The following MAP2 variants were observed in gnomAD, a reference collection of about 807,000 sequenced individuals.
MAP2 encodes the protein microtubule-associated protein 2.
In MAP2, 14 loss-of-function variants were observed where a neutral mutation model predicts 137.6. That is an observed-to-expected ratio of 0.10 (90% confidence interval 0.07 to 0.16). MAP2 has a LOEUF of 0.16. Ranked by LOEUF, MAP2 falls within the 10% of genes least tolerant of loss-of-function variation. The probability of loss-of-function intolerance (pLI) is 1.00; values close to 1 mark genes in which losing one functional copy is unlikely to be tolerated. For missense variants in MAP2, 2,088 were observed against 2,191.5 expected (o/e 0.95, Z 0.94); for synonymous variants, 786 against 782.3 (o/e 1.00, Z -0.08).
chr2:209,553,205 G>T (rs1212667942), intron 2 of MAP2, among the ~76,000 whole-genome samples: 1 of 152,010 alleles, frequency 6.6e-6, no homozygotes, highest in African/African-American at 2.4e-5. Context: ...TAGAGATGGG[G>T]TTTCACCCTG....
chr2:209,453,862 A>G (rs2149508071), intron 1 of MAP2, among the ~76,000 whole-genome samples: 1 of 152,186 alleles, frequency 6.6e-6, no homozygotes, highest in East Asian at 1.9e-4. Context: ...TAAAAAAAAT[A>G]GAGGACAGGC....
At chr2:209,616,931 C>T (rs1383329526) in intron 3 of MAP2, among the ~76,000 whole-genome samples, 9 of 152,134 alleles carry the variant, frequency 5.9e-5, no homozygotes, top group African/African-American at 2.2e-4. Context: ...TAATTATAGA[C>T]TAGGCGGGGG....
chr2:209,478,451 A>T (rs924316556), intron 1 of MAP2, among the ~76,000 whole-genome samples: 3 of 152,238 alleles, frequency 2.0e-5, no homozygotes, highest in African/African-American at 7.2e-5. Context: ...ATTGAAGACA[A>T]ATGTTTACTA....
intron 12 of MAP2, among the ~76,000 whole-genome samples, chr2:209,707,532 G>A (rs1009174236): frequency 6.6e-6 from 1 of 152,078 alleles, no homozygotes; most frequent in Non-Finnish European, 1.5e-5. Context: ...AAGCTCATCC[G>A]CCCAAGAGGA....
intron 3 of MAP2, among the ~76,000 whole-genome samples, chr2:209,617,220 G>C (rs2089775673): frequency 6.6e-6 from 1 of 152,100 alleles, no homozygotes; most frequent in East Asian, 1.9e-4. Flanking sequence ...TAGACAAAAG[G>C]ACAGGAGAAG....
chr2:209,435,161 C>G (rs566103588), intron 1 of MAP2, among the ~76,000 whole-genome samples: 7 of 150,932 alleles, frequency 4.6e-5, no homozygotes, highest in Non-Finnish European at 1.0e-4. Flanking sequence ...CCTGCTTGTG[C>G]TATAGAATAT....
chr2:209,456,010 A>T (rs1358701506), intron 1 of MAP2, among the ~76,000 whole-genome samples: 1 of 152,178 alleles, frequency 6.6e-6, no homozygotes, highest in Non-Finnish European at 1.5e-5. Flanking sequence ...TTTTACTGAC[A>T]ACTCCTTAGG....
intron 2 of MAP2, among the ~76,000 whole-genome samples, chr2:209,575,390 G>A (rs189150531): frequency 1.9e-3 from 293 of 151,648 alleles, no homozygotes; most frequent in African/African-American, 6.2e-3. Context: ...GCGTGATGGC[G>A]GGTGCCTGTA....
intron 5 of MAP2, among the ~76,000 whole-genome samples, chr2:209,676,455 G>C (rs1017009666): frequency 2.0e-5 from 3 of 151,566 alleles, no homozygotes; most frequent in Non-Finnish European, 4.4e-5. Flanking sequence ...TAATACCTGG[G>C]TGATAAAATA....
At chr2:209,675,264 C>G (rs1199887119) in intron 5 of MAP2, among the ~76,000 whole-genome samples, 4 of 151,890 alleles carry the variant, frequency 2.6e-5, no homozygotes, top group South Asian at 4.1e-4. Context: ...TTTGGTTAAA[C>G]ATATACAAAA....
intron 1 of MAP2, among the ~76,000 whole-genome samples, chr2:209,478,644 A>G (rs565827485): frequency 1.3e-5 from 2 of 152,336 alleles, no homozygotes; most frequent in East Asian, 3.9e-4. Flanking sequence ...GCAGGCATAC[A>G]TAAATAATTT....
intron 4 of MAP2, among the ~76,000 whole-genome samples, chr2:209,645,387 A>T (rs2094351010): frequency 6.6e-6 from 1 of 152,198 alleles, no homozygotes; most frequent in South Asian, 2.1e-4. Context: ...TTATTCACTT[A>T]TTAGCCACAT....
intron 5 of MAP2, among the ~76,000 whole-genome samples, chr2:209,660,559 A>ATT (rs535880574): frequency 7.0e-6 from 1 of 143,276 alleles, no homozygotes; most frequent in African/African-American, 2.6e-5. Flanking sequence ...AGCCCGGCTA[A>ATT]TTTTTTTTGT....
intron 13 of MAP2, chr2:209,721,794 A>G (rs1041831641): frequency 5.3e-5 from 8 of 152,334 alleles, no homozygotes; most frequent in African/African-American, 1.9e-4. Flanking sequence ...TTTTAAACAT[A>G]GTATGAAATC....
chr2:209,695,863 G>A lies in MAP2; in HGVS notation c.3693G>A (p.Glu1231=). The change falls in exon 8 of 16, where the codon GAG becomes GAA. Residue 1231 remains glutamate, a synonymous_variant. Coordinates refer to ENST00000682079, the MANE Select transcript of MAP2 (RefSeq NM_001375505.1). The part of the protein sequence containing the change: ...LHETIVSEPA[E]IQSEEEEIEA... ...AAACGATCGTATCTGAACCAGCAGA[G>A]ATTCAGAGTGAGGAAGAAGAGATAG... 3 of 1,614,118 alleles carry A rather than the reference G, an allele frequency of 1.9e-6. No individual in the cohort carries two copies. Among genetic ancestry groups the A allele is most frequent in the Non-Finnish European group, 2.5e-6 (3 of 1,180,016 alleles).
chr2:209,673,933 C>G (rs2050058491), intron 5 of MAP2, among the ~76,000 whole-genome samples: 1 of 151,962 alleles, frequency 6.6e-6, no homozygotes, highest in East Asian at 1.9e-4. Flanking sequence ...CAGAATTAGA[C>G]AGGATTATCA....
In MAP2 at chr2:209,696,336, G is replaced by T. The variant is rs1027144711; in HGVS notation, c.4166G>T (p.Trp1389Leu). ...DDSIMDADSLWVDTQDDDRSI... is the reference protein window; with the variant it reads ...DDSIMDADSLLVDTQDDDRSI... ...TCCATCATGGACGCTGACAGCCTCTGGGTGGACACTCAAGGTGTGCATTAT... is the reference window on the plus strand; with the variant it reads ...TCCATCATGGACGCTGACAGCCTCTTGGTGGACACTCAAGGTGTGCATTAT... Residue 1389 changes from tryptophan to leucine, a missense_variant, in exon 8 of 16, where the codon TGG becomes TTG. Trp to Leu is a moderately conservative substitution (Grantham distance 61). Around this residue, in one of 6 missense-constraint regions of MAP2, gnomAD observed 591 missense variants for 642.6 expected, o/e 0.92. Coordinates refer to ENST00000682079, the MANE Select transcript of MAP2 (RefSeq NM_001375505.1). 6.4e-7 allele frequency: 1 copy of T among 1,556,314 alleles called. No homozygotes were observed. Among genetic ancestry groups the T allele is most frequent in the Non-Finnish European group, 8.6e-7 (1 of 1,159,414 alleles).
At chr2:209,713,592 T>C (rs1263298522) in intron 13 of MAP2, among the ~76,000 whole-genome samples, 1 of 152,234 alleles carries the variant, frequency 6.6e-6, no homozygotes, top group East Asian at 1.9e-4. Context: ...TTATTAAGTG[T>C]ATTAATTTGA....
intron 1 of MAP2, among the ~76,000 whole-genome samples, chr2:209,491,547 A>G (rs1269447203): frequency 6.6e-6 from 1 of 152,102 alleles, no homozygotes; most frequent in African/African-American, 2.4e-5. Flanking sequence ...TACATAGACC[A>G]CTAGCCAGAC....
Sources: gnomAD v4.1 joint callset for allele counts (sites outside exome capture counted in the v4.1 genomes callset) on GRCh38, gnomAD v4.1.1 for gene constraint, gnomAD v4.1.1 regional missense constraint, MANE v1.5 for transcripts, NCBI Gene and HGNC (gene_info 2026-07-23, HGNC 2026-07-21) for gene names.